The following NFIB variants were observed in gnomAD, a reference collection of about 807,000 sequenced individuals.
NFIB encodes nuclear factor I B.
NFIB carries 11 observed loss-of-function variants against 61.5 expected under a neutral mutation model. The observed-to-expected ratio is 0.18, with a 90% CI of 0.11 to 0.30. The LOEUF (loss-of-function observed/expected upper bound fraction) is 0.30, where lower values mean the gene tolerates loss of function less well. Ranked by LOEUF, NFIB falls within the 10% of genes least tolerant of loss-of-function variation. The pLI is 1.00. For missense variants in NFIB, 471 were observed against 608.9 expected (o/e 0.77, Z 2.38); for synonymous variants, 260 against 216.5 (o/e 1.20, Z -1.76).
At chr9:14,382,595 G>T (rs1052853723) in intron 1 of NFIB, among the ~76,000 whole-genome samples, 1 of 152,058 alleles carries the variant, frequency 6.6e-6, no homozygotes, top group East Asian at 1.9e-4. Flanking sequence ...TATCTAGTAA[G>T]ACAGGCACAC....
At chr9:14,498,703 T>C in the NFIB span, among the ~76,000 whole-genome samples, 1 of 151,570 alleles carries the variant, frequency 6.6e-6, no homozygotes, top group Non-Finnish European at 1.5e-5. Context: ...TACTGGGAAA[T>C]AGTGGCTACA....
At chr9:14,346,167 G>T (rs2061016548) in intron 1 of NFIB, among the ~76,000 whole-genome samples, 1 of 152,174 alleles carries the variant, frequency 6.6e-6, no homozygotes, top group African/African-American at 2.4e-5. Context: ...CCCAGCACTG[G>T]AAAGAGACTT....
At chr9:14,297,123 G>C (rs575922500) in intron 2 of NFIB, among the ~76,000 whole-genome samples, 1 of 152,136 alleles carries the variant, frequency 6.6e-6, no homozygotes, top group Non-Finnish European at 1.5e-5. Flanking sequence ...AAATTCTTTC[G>C]ATGTAGGAAC....
At chr9:14,161,809 A>C (rs944249243) in intron 3 of NFIB, among the ~76,000 whole-genome samples, 1 of 152,194 alleles carries the variant, frequency 6.6e-6, no homozygotes, top group Non-Finnish European at 1.5e-5. Flanking sequence ...TTAGAATTAC[A>C]GGGTCAAAGG....
At chr9:14,264,304 T>C (rs2057017830) in intron 2 of NFIB, among the ~76,000 whole-genome samples, 1 of 152,190 alleles carries the variant, frequency 6.6e-6, no homozygotes, top group Non-Finnish European at 1.5e-5. Flanking sequence ...CTGGCCTTAC[T>C]TCACCTGCCC....
At chr9:14,257,752 T>C (rs1397576266) in intron 2 of NFIB, among the ~76,000 whole-genome samples, 2 of 151,752 alleles carry the variant, frequency 1.3e-5, no homozygotes, top group African/African-American at 4.8e-5. Flanking sequence ...CGAGACTCCA[T>C]CTCAAAAAAG....
chr9:14,347,766 TC>T (rs1276728089), intron 1 of NFIB, among the ~76,000 whole-genome samples: 1 of 151,920 alleles, frequency 6.6e-6, no homozygotes, highest in Admixed American at 6.6e-5. Flanking sequence ...CGGTTTTTTT[TC>T]CGTGCAGAAA....
chr9:14,326,700 A>AG (rs2060756793), intron 1 of NFIB, among the ~76,000 whole-genome samples: 1 of 137,520 alleles, frequency 7.3e-6, no homozygotes, highest in South Asian at 2.1e-4. Flanking sequence ...GGTTTACAGA[A>AG]AAAAAAAAAA....
chr9:14,277,981 G>C (rs1203546447), intron 2 of NFIB, among the ~76,000 whole-genome samples: 4 of 152,296 alleles, frequency 2.6e-5, no homozygotes, highest in African/African-American at 9.6e-5. Flanking sequence ...CTCCTGTGAT[G>C]ATCTCTGGGG....
At chr9:14,429,674 G>A in the NFIB span, among the ~76,000 whole-genome samples, 22 of 152,040 alleles carry the variant, frequency 1.4e-4, no homozygotes, top group Non-Finnish European at 2.2e-4. Flanking sequence ...CTTTCTTTTC[G>A]CAAAGCCACC....
chr9:14,300,676 G>A (rs776034965), intron 2 of NFIB, among the ~76,000 whole-genome samples: 1 of 152,192 alleles, frequency 6.6e-6, no homozygotes, highest in African/African-American at 2.4e-5. Flanking sequence ...AAGCCACCAT[G>A]ATAACAGAAA....
chr9:14,515,269 G>T, the NFIB span, among the ~76,000 whole-genome samples: 2 of 152,170 alleles, frequency 1.3e-5, no homozygotes, highest in African/African-American at 4.8e-5. Flanking sequence ...GAAGTGGGTT[G>T]CAAAGTGGAG....
intron 4 of NFIB, among the ~76,000 whole-genome samples, chr9:14,150,761 A>C (rs1327332990): frequency 1.3e-5 from 2 of 152,164 alleles, no homozygotes; most frequent in Non-Finnish European, 2.9e-5. Context: ...AATAATTATT[A>C]ATATCATGAC....
chr9:14,132,326 T>G (rs1283631257), intron 6 of NFIB, among the ~76,000 whole-genome samples: 1 of 152,218 alleles, frequency 6.6e-6, no homozygotes, highest in Non-Finnish European at 1.5e-5. Context: ...CATGCCATAC[T>G]TGTAACTTGT....
At chr9:14,212,542 C>G (rs1275123518) in intron 2 of NFIB, among the ~76,000 whole-genome samples, 2 of 151,730 alleles carry the variant, frequency 1.3e-5, no homozygotes, top group East Asian at 3.9e-4. Flanking sequence ...TTGGGAATTT[C>G]TAATAAAATT....
chr9:14,520,383 G>C, the NFIB span, among the ~76,000 whole-genome samples: 1 of 152,154 alleles, frequency 6.6e-6, no homozygotes. Flanking sequence ...CATGCATTAT[G>C]AACACAGACC....
upstream of NFIB, among the ~76,000 whole-genome samples, chr9:14,315,221 T>C (rs1204599421): frequency 3.3e-5 from 5 of 150,672 alleles, no homozygotes; most frequent in Admixed American, 3.3e-4. Flanking sequence ...GGGGTGCGGG[T>C]TCGTCCCGGG....
At chr9:14,210,934 T>C (rs777093505) in intron 2 of NFIB, among the ~76,000 whole-genome samples, 2 of 152,186 alleles carry the variant, frequency 1.3e-5, no homozygotes, top group African/African-American at 2.4e-5. Flanking sequence ...CCTTTGATTA[T>C]AGGAAAGTAA....
chr9:14,102,417 G>A (rs1220990280), intron 10 of NFIB: 15 of 1,548,804 alleles, frequency 9.7e-6, no homozygotes, highest in Non-Finnish European at 1.3e-5. Context: ...TAATTAAAAT[G>A]TTACCTTTGC....
Sources: gnomAD v4.1 joint callset for allele counts (sites outside exome capture counted in the v4.1 genomes callset) on GRCh38, gnomAD v4.1.1 for gene constraint, MANE v1.5 for transcripts, NCBI Gene and HGNC (gene_info 2026-07-23, HGNC 2026-07-21) for gene names.